STAU1: variants seen among roughly 807,000 people sequenced by gnomAD.
STAU1 encodes the protein double-stranded RNA-binding protein Staufen homolog 1.
STAU1 carries 13 observed loss-of-function variants against 62.9 expected under a neutral mutation model. That is an observed-to-expected ratio of 0.21 (90% CI 0.13 to 0.33). STAU1 has a LOEUF of 0.33. Ranked by LOEUF, STAU1 falls within the 10% of genes least tolerant of loss-of-function variation. The pLI, the probability that STAU1 is intolerant of heterozygous loss-of-function variation, is 1.00. For synonymous variants in STAU1, 269 were observed against 265.1 expected (o/e 1.01, Z -0.14); for missense variants, 571 against 712.1 (o/e 0.80, Z 2.25).
chr20:49,190,281 G>C (rs753625634), upstream of STAU1, among the ~76,000 whole-genome samples: 1 of 151,848 alleles, frequency 6.6e-6, no homozygotes, highest in Non-Finnish European at 1.5e-5. Flanking sequence ...TCCTCCTTCC[G>C]CATCTTTTTT....
intron 1 of STAU1, among the ~76,000 whole-genome samples, chr20:49,184,954 T>A (rs1346254746): frequency 6.6e-6 from 1 of 152,184 alleles, no homozygotes; most frequent in East Asian, 1.9e-4. Flanking sequence ...AAGACATTTA[T>A]AATATTTATA....
intron 6 of STAU1, among the ~76,000 whole-genome samples, chr20:49,133,631 T>C (rs946015649): frequency 3.9e-5 from 6 of 151,932 alleles, no homozygotes; most frequent in Non-Finnish European, 8.8e-5. Context: ...CCTCCACTGA[T>C]GGAGGGAGAA....
chr20:49,168,749 G>A (rs755125554), intron 2 of STAU1, among the ~76,000 whole-genome samples: 31 of 152,062 alleles, frequency 2.0e-4, no homozygotes, highest in Non-Finnish European at 3.2e-4. Flanking sequence ...CCAATGTCTG[G>A]AGACATTTTT....
chr20:49,192,205 G>GCGTGGT (rs2038452500), upstream of STAU1, among the ~76,000 whole-genome samples: 1 of 151,606 alleles, frequency 6.6e-6, no homozygotes, highest in Non-Finnish European at 1.5e-5. Context: ...AATTAGCTGG[G>GCGTGGT]CGTGGTGGCA....
chr20:49,150,137 T>C (rs533211511), intron 5 of STAU1, among the ~76,000 whole-genome samples: 1 of 152,210 alleles, frequency 6.6e-6, no homozygotes, highest in Non-Finnish European at 1.5e-5. Flanking sequence ...CACTAATGCT[T>C]TGACCCCTCA....
intron 5 of STAU1, among the ~76,000 whole-genome samples, chr20:49,150,263 C>T (rs2093219647): frequency 6.6e-6 from 1 of 152,164 alleles, no homozygotes; most frequent in African/African-American, 2.4e-5. Context: ...TTTGACAATC[C>T]TTTCATCATC....
chr20:49,196,522 C>G, the STAU1 span, among the ~76,000 whole-genome samples: 1 of 151,278 alleles, frequency 6.6e-6, no homozygotes, highest in Non-Finnish European at 1.5e-5. Flanking sequence ...TGTGGCAGCT[C>G]ACGCCTGTAA....
chr20:49,115,722 A>C, intron 13 of STAU1, 60 bp downstream of exon 13: 4 of 1,436,860 alleles, frequency 2.8e-6, no homozygotes, highest in Non-Finnish European at 2.9e-6. Flanking sequence ...GTGTAAACTC[A>C]ACACAAACGA....
chr20:49,213,499 AT>A, the STAU1 span, among the ~76,000 whole-genome samples: 5 of 152,190 alleles, frequency 3.3e-5, no homozygotes, highest in Non-Finnish European at 7.3e-5. Flanking sequence ...AAGTGCTGAG[AT>A]TACAGGCGTG....
At chr20:49,139,150 T>C (rs2092953434) in intron 5 of STAU1, among the ~76,000 whole-genome samples, 1 of 152,052 alleles carries the variant, frequency 6.6e-6, no homozygotes, top group African/African-American at 2.4e-5. Context: ...GATGAAAACA[T>C]AGGGGAAAAG....
At position 49,151,607 on chromosome 20, in the gene STAU1, T is replaced by A; in HGVS notation, c.485A>T (p.Asn162Ile). The change falls in exon 5 of 14, where the codon AAT (asparagine) becomes ATT (isoleucine). Residue 162 changes from asparagine (N) to isoleucine (I), a missense_variant. Physicochemically the swap from Asn to Ile is moderately radical, Grantham distance 149. Around this residue, in one of 3 missense-constraint regions of STAU1, gnomAD observed 414 missense variants for 499.6 expected, o/e 0.83. Transcript: ENST00000371856. ...AAAKALRILQ[N>I]EPLPERLEVN... Reference sequence around the variant, plus strand: ...CTCCAGCCTCTCTGGCAGGGGCTCATTCTGCAGGATCCTCAACGCTTTGGC... The same window carrying A: ...CTCCAGCCTCTCTGGCAGGGGCTCAATCTGCAGGATCCTCAACGCTTTGGC... The A allele has an allele frequency of 1.9e-6, 3 of 1,609,842 alleles. No homozygotes were observed. The highest frequency in any genetic ancestry group is 2.5e-6 in the Non-Finnish European group (3 of 1,178,426).
chr20:49,154,822 C>A (rs1347631594), intron 3 of STAU1, among the ~76,000 whole-genome samples: 2 of 151,922 alleles, frequency 1.3e-5, no homozygotes, highest in African/African-American at 2.4e-5. Context: ...GGGTGGCTCA[C>A]ACCTGTAATC....
intron 3 of STAU1, among the ~76,000 whole-genome samples, chr20:49,165,698 A>G (rs527723086): frequency 1.3e-5 from 2 of 152,326 alleles, no homozygotes; most frequent in African/African-American, 4.8e-5. Context: ...CCAAGGTGGT[A>G]TTTACTGCTC....
At chr20:49,125,397 G>A (rs2092585623) in intron 6 of STAU1, among the ~76,000 whole-genome samples, 2 of 151,128 alleles carry the variant, frequency 1.3e-5, no homozygotes, top group Admixed American at 6.6e-5. Context: ...AGGGGTGGTG[G>A]TGCACACCTG....
chr20:49,159,340 C>T (rs998821093), intron 3 of STAU1, among the ~76,000 whole-genome samples: 1 of 152,120 alleles, frequency 6.6e-6, no homozygotes, highest in African/African-American at 2.4e-5. Flanking sequence ...CAAGAGAGAA[C>T]AACTTCTCCT....
chr20:49,145,181 T>C (rs1310037754), intron 5 of STAU1, among the ~76,000 whole-genome samples: 1 of 151,930 alleles, frequency 6.6e-6, no homozygotes, highest in Non-Finnish European at 1.5e-5. Context: ...ATCCCAGCAC[T>C]TTGGGAGGCT....
At chr20:49,148,476 T>C (rs2146198561) in intron 5 of STAU1, among the ~76,000 whole-genome samples, 1 of 152,356 alleles carries the variant, frequency 6.6e-6, no homozygotes, top group Non-Finnish European at 1.5e-5. Context: ...ACACTTCTAG[T>C]CGCAAGCGTT....
intron 3 of STAU1, among the ~76,000 whole-genome samples, chr20:49,164,859 T>C (rs2093501866): frequency 1.3e-5 from 2 of 152,186 alleles, no homozygotes; most frequent in Admixed American, 1.3e-4. Context: ...AAACTACTTC[T>C]GGAACCTTCC....
At chr20:49,128,771 TCCAAA>T (rs1456979779) in intron 6 of STAU1, among the ~76,000 whole-genome samples, 1 of 27,188 alleles carries the variant, frequency 3.7e-5, no homozygotes, top group East Asian at 7.9e-4. Context: ...GACATCCAAA[TCCAAA>T]AAAAAAAAAA....
Sources: allele counts gnomAD v4.1 joint callset (sites outside exome capture counted in the v4.1 genomes callset), GRCh38; gene constraint gnomAD v4.1.1; regional missense constraint gnomAD v4.1.1; transcripts MANE v1.5; gene names NCBI Gene and HGNC (gene_info 2026-07-23, HGNC 2026-07-21).